Variants in RNF38 observed in about 807,000 individuals in gnomAD.
RNF38 encodes E3 ubiquitin-protein ligase RNF38.
Under a neutral mutation model 67.2 loss-of-function variants are expected in RNF38, and 15 were observed. The ratio of observed to expected loss-of-function variants is 0.22; its 90% CI spans 0.15 to 0.34. The LOEUF is 0.34. Among genes scored for constraint, RNF38 ranks in the 10% least tolerant of loss-of-function variants. RNF38 has a pLI of 1.00. For synonymous variants in RNF38, 220 were observed against 218.8 expected, an observed-to-expected ratio of 1.01 and a Z score of -0.05; for missense variants, 524 against 639.9, an observed-to-expected ratio of 0.82 and a Z score of 1.95.
intron 1 of RNF38, among the ~76,000 whole-genome samples, chr9:36,443,186 G>T (rs1382856192): frequency 3.3e-5 from 5 of 152,202 alleles, no homozygotes; most frequent in African/African-American, 1.2e-4. Flanking sequence ...CTCCTAGAGA[G>T]TGAAATATTA....
At chr9:36,427,711 C>A (rs1038709609) in intron 1 of RNF38, among the ~76,000 whole-genome samples, 1 of 139,900 alleles carries the variant, frequency 7.1e-6, no homozygotes, top group South Asian at 2.1e-4. Flanking sequence ...ATCTACCTAC[C>A]TATCTATTAA....
At chr9:36,425,218 AT>A (rs1455156042) in intron 1 of RNF38, among the ~76,000 whole-genome samples, 1 of 152,230 alleles carries the variant, frequency 6.6e-6, no homozygotes, top group Non-Finnish European at 1.5e-5. Flanking sequence ...CTCTTTAATA[AT>A]AGTTACATTT....
At chr9:36,383,754 A>G (rs1027950621) in intron 2 of RNF38, among the ~76,000 whole-genome samples, 1 of 152,154 alleles carries the variant, frequency 6.6e-6, no homozygotes, top group African/African-American at 2.4e-5. Context: ...TGTTTTCAAA[A>G]GTTACCATAA....
chr9:36,354,017 T>C (rs1234222488), intron 6 of RNF38, among the ~76,000 whole-genome samples: 2 of 152,174 alleles, frequency 1.3e-5, no homozygotes, highest in African/African-American at 4.8e-5. Context: ...GAACAGTTCA[T>C]TGAGATATAA....
chr9:36,453,702 A>T (rs959463696), intron 1 of RNF38, among the ~76,000 whole-genome samples: 2 of 152,066 alleles, frequency 1.3e-5, no homozygotes, highest in African/African-American at 4.8e-5. Context: ...GTTTTAAAAA[A>T]TTTTTTGTAA....
intron 1 of RNF38, among the ~76,000 whole-genome samples, chr9:36,436,138 A>G (rs1000494982): frequency 2.6e-5 from 4 of 152,382 alleles, no homozygotes; most frequent in Admixed American, 1.3e-4. Flanking sequence ...TTGTGTAAAC[A>G]AGTTTATAGA....
chr9:36,441,118 G>T (rs900350751), intron 1 of RNF38, among the ~76,000 whole-genome samples: 6 of 152,018 alleles, frequency 3.9e-5, no homozygotes, highest in African/African-American at 1.4e-4. Context: ...AGATGAGAAA[G>T]AAAAAGCTCA....
intron 1 of RNF38, among the ~76,000 whole-genome samples, chr9:36,437,581 G>A (rs1049917286): frequency 6.6e-6 from 1 of 150,920 alleles, no homozygotes; most frequent in Admixed American, 6.7e-5. Flanking sequence ...AAGAAGAGGC[G>A]CAGACAAATC....
At chr9:36,410,366 G>A (rs901407151) in intron 2 of RNF38, among the ~76,000 whole-genome samples, 8 of 151,960 alleles carry the variant, frequency 5.3e-5, no homozygotes, top group Non-Finnish European at 7.4e-5. Flanking sequence ...TTGCTCTGTC[G>A]CCCAGGCTGG....
At chr9:36,424,631 A>T in exon 2 of RNF38, 1 of 985,824 alleles carries the variant, frequency 1.0e-6, no homozygotes, top group Non-Finnish European at 1.2e-6. Context: ...TGTCATCATG[A>T]CAAATGTGGT....
chr9:36,363,221 G>C lies in RNF38; in HGVS notation c.571-5279C>G, dbSNP rs1479125670. On this transcript the variant is annotated intron_variant, in intron 4 of 11. Coordinates refer to ENST00000259605, the MANE Select transcript of RNF38 (RefSeq NM_022781.5). ...CCTAAGTAGATGGGACTACAGTGGAGCACCACAGTGAGAACTTTTGATGAA... is the reference window on the plus strand; with the variant it reads ...CCTAAGTAGATGGGACTACAGTGGACCACCACAGTGAGAACTTTTGATGAA... Among the ~76,000 whole-genome samples the C allele has an allele frequency of 2.0e-5, 2 of 100,100 alleles. 1 individual carries two copies. The highest frequency in any genetic ancestry group is 5.2e-5 in the Non-Finnish European group (2 of 38,600). The allele number at this position is 100,100 out of a possible 152,430, so 65.7% of individuals were successfully genotyped here.
chr9:36,417,431 G>A (rs1396589022), intron 2 of RNF38, among the ~76,000 whole-genome samples: 1 of 152,098 alleles, frequency 6.6e-6, no homozygotes, highest in Non-Finnish European at 1.5e-5. Flanking sequence ...AATTCTAACA[G>A]TAGGTTAACT....
At chr9:36,358,060 T>C in intron 4 of RNF38, 118 bp from the exon 5 acceptor site, 1 of 729,450 alleles carries the variant, frequency 1.4e-6, no homozygotes, top group Non-Finnish European at 2.3e-6. Flanking sequence ...TTTCACAATG[T>C]ACTCTCCAAT....
In RNF38 at chr9:36,357,966, C is replaced by A. The variant is rs187751399; in HGVS notation, c.571-24G>T. On this transcript the variant is annotated intron_variant, in intron 4 of 11. Transcript: ENST00000259605. The stretch of plus-strand genomic sequence containing the variant: ...AGCTTTAAAGGAAAAAACAAATGAA[C>A]AAACTTTAGCTGTTTAGATAAAATG... 3,100 of 1,593,976 alleles carry A rather than the reference C, an allele frequency of 1.9e-3. 2 individuals carry two copies. The highest frequency in any genetic ancestry group is 2.4e-3 in the Non-Finnish European group (2,837 of 1,166,124).
intron 1 of RNF38, among the ~76,000 whole-genome samples, chr9:36,470,075 C>T (rs957331641): frequency 1.3e-5 from 2 of 152,216 alleles, no homozygotes; most frequent in Non-Finnish European, 2.9e-5. Flanking sequence ...ACCACAGTGG[C>T]TCTCAGAACA....
intron 10 of RNF38, among the ~76,000 whole-genome samples, 190 bp from the exon 11 acceptor site, chr9:36,342,614 G>T (rs1023984179): frequency 5.3e-5 from 8 of 152,048 alleles, no homozygotes; most frequent in African/African-American, 1.9e-4. Context: ...TGACAGATTA[G>T]CAAGAAAATT....
At chr9:36,447,714 A>T (rs1839341496) in intron 1 of RNF38, among the ~76,000 whole-genome samples, 1 of 152,226 alleles carries the variant, frequency 6.6e-6, no homozygotes, top group Non-Finnish European at 1.5e-5. Context: ...CTGAGTACCT[A>T]CAGAAATGTA....
intron 2 of RNF38, among the ~76,000 whole-genome samples, chr9:36,381,323 G>GTCAAGACCCCAGAGTCTGGGGTCTGT (rs1836195092): frequency 1.3e-5 from 2 of 152,030 alleles, no homozygotes; most frequent in Admixed American, 1.3e-4. Flanking sequence ...CTTGACTACA[G>GTCAAGACCCCAGAGTCTGGGGTCTGT]AGACCCCAGA....
At chr9:36,451,132 G>C (rs2134334891) in intron 1 of RNF38, among the ~76,000 whole-genome samples, 1 of 152,068 alleles carries the variant, frequency 6.6e-6, no homozygotes, top group East Asian at 2.0e-4. Context: ...AAACTAAAAA[G>C]TTATGGAACA....
Sources: allele counts gnomAD v4.1 joint callset (sites outside exome capture counted in the v4.1 genomes callset), GRCh38; gene constraint gnomAD v4.1.1; transcripts MANE v1.5; gene names NCBI Gene and HGNC (gene_info 2026-07-23, HGNC 2026-07-21).